PRPF31: variants seen among roughly 807,000 people sequenced by gnomAD.
PRPF31 encodes U4/U6 small nuclear ribonucleoprotein Prp31.
In PRPF31, 12 loss-of-function variants were observed where a neutral mutation model predicts 60.4. The ratio of observed to expected loss-of-function variants is 0.20; its 90% CI spans 0.13 to 0.32. PRPF31 has a LOEUF of 0.32. Ranked by LOEUF, PRPF31 falls within the 10% of genes least tolerant of loss-of-function variation. The pLI is 1.00. For missense variants in PRPF31, 431 were observed against 687.1 expected, an observed-to-expected ratio of 0.63 and a Z score of 4.17; for synonymous variants, 287 against 287.9, an observed-to-expected ratio of 1.00 and a Z score of 0.03.
intron 9 of PRPF31, 133 bp from the exon 10 acceptor site, chr19:54,127,940 A>T: frequency 7.9e-7 from 1 of 1,259,234 alleles, no homozygotes; most frequent in South Asian, 1.3e-5. Flanking sequence ...AGAAAAAGAA[A>T]GGGGGTGGCG....
intron 13 of PRPF31, among the ~76,000 whole-genome samples, chr19:54,130,268 A>G (rs2074020436): frequency 7.5e-6 from 1 of 133,796 alleles, no homozygotes. Flanking sequence ...TGTCCAGTGT[A>G]GGAGAAGGCA....
At chr19:54,126,638 G>A in intron 9 of PRPF31, 21 bp downstream of exon 9, 1 of 1,605,090 alleles carries the variant, frequency 6.2e-7, no homozygotes. Context: ...AAAGGTGAGG[G>A]GCGGCCGGGC....
intron 10 of PRPF31, 52 bp downstream of exon 10, chr19:54,128,252 C>T (rs747547806): frequency 1.2e-5 from 18 of 1,558,724 alleles, no homozygotes; most frequent in African/African-American, 4.0e-5. Context: ...GGGGAGAAGC[C>T]GGCGTCCTCC....
intron 11 of PRPF31, 68 bp downstream of exon 11, chr19:54,128,445 C>T: frequency 2.1e-6 from 3 of 1,442,016 alleles, no homozygotes; most frequent in Non-Finnish European, 2.9e-6. Context: ...TGCCTCCTGC[C>T]ACCGCCCCTC....
intron 8 of PRPF31, 155 bp from the exon 9 acceptor site, chr19:54,126,373 T>C: frequency 2.8e-6 from 2 of 707,072 alleles, no homozygotes; most frequent in Non-Finnish European, 2.5e-6. Context: ...TCCTGTGAAG[T>C]AGGAGCTGAG....
intron 3 of PRPF31, among the ~76,000 whole-genome samples, chr19:54,118,977 CT>C (rs1187354416): frequency 1.2e-4 from 18 of 152,162 alleles, no homozygotes; most frequent in African/African-American, 2.6e-4. Context: ...GAGTCTAGGA[CT>C]TTTTTTCTTA....
intron 9 of PRPF31, 60 bp downstream of exon 9, chr19:54,126,677 TGCAGGGAGACCCTCA>T (rs1401030685): frequency 2.7e-6 from 4 of 1,502,166 alleles, no homozygotes; most frequent in Non-Finnish European, 3.7e-6. Flanking sequence ...GGGGTGTCTC[TGCAGGGAGACCCTCA>T]GCAGGGAGCC....
Position 54,129,038 on chromosome 19 carries a change from C to G in PRPF31, c.1147-19C>G. ...AGGGCCTGGTCGCTGAACTGCAGGG[C>G]GCCTCCTCTCCCCCCTAGATCGAGG... On this transcript the variant is annotated intron_variant, in intron 11 of 13. Coordinates refer to ENST00000321030, the MANE Select transcript of PRPF31 (RefSeq NM_015629.4). 6.4e-7 allele frequency: 1 copy of G among 1,561,828 alleles called. No individual in the cohort carries two copies. Among genetic ancestry groups the G allele is most frequent in the Middle Eastern group, 1.7e-4 (1 of 5,748 alleles).
intron 13 of PRPF31, among the ~76,000 whole-genome samples, chr19:54,130,883 G>T (rs1428918505): frequency 1.3e-5 from 2 of 152,122 alleles, no homozygotes; most frequent in Non-Finnish European, 2.9e-5. Flanking sequence ...AGAGACGGGG[G>T]CTCGCTCTGT....
chr19:54,126,937 T>C (rs1374696595), intron 9 of PRPF31, among the ~76,000 whole-genome samples: 3 of 152,200 alleles, frequency 2.0e-5, no homozygotes, highest in African/African-American at 7.2e-5. Flanking sequence ...GAGACCAGCC[T>C]GGCCAACATG....
intron 13 of PRPF31, among the ~76,000 whole-genome samples, chr19:54,130,612 C>G (rs1472511565): frequency 3.3e-5 from 5 of 149,794 alleles, no homozygotes; most frequent in South Asian, 4.2e-4. Flanking sequence ...GCGACAGAGC[C>G]AGACTCTGTC....
intron 9 of PRPF31, among the ~76,000 whole-genome samples, chr19:54,127,842 C>T (rs957334149): frequency 3.3e-5 from 5 of 152,182 alleles, no homozygotes; most frequent in Admixed American, 6.5e-5. Context: ...TGCCCCGTGG[C>T]GTGGACATTC....
chr19:54,126,151 G>T (rs117152933), intron 8 of PRPF31, among the ~76,000 whole-genome samples: 1,533 of 152,310 alleles, frequency 0.01, 14 homozygotes, highest in Middle Eastern at 0.017. Flanking sequence ...TGAAAAGGGG[G>T]TGCAATGATC....
At position 54,129,051 on chromosome 19, in the gene PRPF31, C is replaced by G. The variant is rs587693564; in HGVS notation, c.1147-6C>G. 140 of 1,568,026 alleles carry G rather than the reference C, an allele frequency of 8.9e-5. 1 individual carries two copies. In the South Asian group the frequency reaches 1.6e-3, roughly 18 times the overall value. On this transcript the variant is annotated splice_polypyrimidine_tract_variant and splice_region_variant and intron_variant, in intron 11 of 13. Coordinates refer to ENST00000321030, the MANE Select transcript of PRPF31 (RefSeq NM_015629.4). ...TGAACTGCAGGGCGCCTCCTCTCCC[C>G]CCTAGATCGAGGAGGACGCCTACCA...
At chr19:54,124,230 T>C (rs1196343002) in intron 7 of PRPF31, 4 of 642,498 alleles carry the variant, frequency 6.2e-6, no homozygotes, top group Non-Finnish European at 8.0e-6. Context: ...ACGGCGTTAG[T>C]GTGGCTTAGC....
intron 9 of PRPF31, among the ~76,000 whole-genome samples, chr19:54,127,379 C>T (rs1417200051): frequency 6.6e-6 from 1 of 152,166 alleles, no homozygotes; most frequent in Admixed American, 6.5e-5. Flanking sequence ...GTCTTCATAT[C>T]TCCGCCTCTG....
In PRPF31 at chr19:54,123,738, CGCCCCT is replaced by C. The variant is rs2073850674; in HGVS notation, c.528-8_528-3del. On this transcript the variant is annotated splice_region_variant and splice_polypyrimidine_tract_variant and intron_variant, in intron 6 of 13. Transcript: ENST00000321030. ...GGAGACCCAGGAGGCTGGGCCCACC[CGCCCCT>C]GCAGGCAGCAGCTGTCGGAGGAGGA... 6.2e-7 allele frequency: 1 copy of C among 1,605,158 alleles called. No homozygotes were observed.
chr19:54,128,295 C>G lies in PRPF31; in HGVS notation c.1074-10C>G. ...CGACTCCCTGGCGCCGCCCACCCAC[C>G]CGTCCCCAGGTACCGCAAGATGAAG... On this transcript the variant is annotated splice_polypyrimidine_tract_variant and intron_variant, in intron 10 of 13. Transcript: ENST00000321030. 1 of 1,549,338 alleles carries G rather than the reference C, an allele frequency of 6.5e-7. No individual in the cohort carries two copies. Among genetic ancestry groups the G allele is most frequent in the Non-Finnish European group, 8.7e-7 (1 of 1,147,018 alleles).
rs369273486 is a variant in PRPF31, at chr19:54,116,648, C to A, written c.-9+851C>A. The stretch of plus-strand genomic sequence containing the variant: ...GACAGGCTTTATCAAATAATTACTT[C>A]ATTAATCACAAATGTGTGAAGTGCC... On this transcript the variant is annotated intron_variant, in intron 1 of 13. Transcript: ENST00000321030. Among the ~76,000 whole-genome samples the A allele has an allele frequency of 1.3e-4, 20 of 152,392 alleles. 2 individuals are homozygous for A. The East Asian group carries it at 2.5e-3, about 19-fold the overall frequency.
Sources: allele counts gnomAD v4.1 joint callset (sites outside exome capture counted in the v4.1 genomes callset), GRCh38; gene constraint gnomAD v4.1.1; transcripts MANE v1.5; gene names NCBI Gene and HGNC (gene_info 2026-07-23, HGNC 2026-07-21).